The following FOCAD variants were observed in gnomAD, a reference collection of about 807,000 sequenced individuals.
The protein encoded by FOCAD is focadhesin, also known as KIAA1797.
FOCAD carries 198 observed loss-of-function variants against 225.6 expected under a neutral mutation model. The ratio of observed to expected loss-of-function variants is 0.88; its 90% CI spans 0.78 to 0.99. The LOEUF is 0.99. Among genes scored for constraint, FOCAD ranks in the 50% least tolerant of loss-of-function variants. FOCAD has a pLI of 0.00. For missense variants in FOCAD, 2,713 were observed against 2,123.6 expected, an observed-to-expected ratio of 1.28 and a Z score of -5.46; for synonymous variants, 897 against 755.0, an observed-to-expected ratio of 1.19 and a Z score of -3.08.
At chr9:20,868,997 G>T (rs528752971) in intron 18 of FOCAD, among the ~76,000 whole-genome samples, 12 of 152,268 alleles carry the variant, frequency 7.9e-5, no homozygotes, top group African/African-American at 1.4e-4. Context: ...TGTTCAATGT[G>T]TTCATATCCC....
intron 15 of FOCAD, among the ~76,000 whole-genome samples, chr9:20,832,753 T>C (rs1411914921): frequency 6.6e-6 from 1 of 152,176 alleles, no homozygotes; most frequent in East Asian, 1.9e-4. Context: ...TAATGCCCTC[T>C]AGTTTCATCC....
chr9:20,671,646 C>T (rs1822067183), intron 2 of FOCAD, among the ~76,000 whole-genome samples: 1 of 151,962 alleles, frequency 6.6e-6, no homozygotes, highest in African/African-American at 2.4e-5. Flanking sequence ...AGAAAGAATG[C>T]AGAGAGAAAA....
intron 28 of FOCAD, among the ~76,000 whole-genome samples, chr9:20,939,135 G>A (rs1286813236): frequency 1.6e-5 from 1 of 61,112 alleles, no homozygotes; most frequent in Non-Finnish European, 3.6e-5. Context: ...GGGCGACAGA[G>A]CGAGACTCTC....
intron 4 of FOCAD, among the ~76,000 whole-genome samples, chr9:20,735,820 G>T (rs758422927): frequency 7.1e-6 from 1 of 140,876 alleles, no homozygotes; most frequent in Non-Finnish European, 1.5e-5. Flanking sequence ...CACTATGCCT[G>T]GCCTCTTCAA....
rs141142048 is a variant in FOCAD, at chr9:20,991,708, G to T, written c.5256+1334G>T. Among the ~76,000 whole-genome samples, 18 of 151,366 alleles carry T rather than the reference G, an allele frequency of 1.2e-4. No individual in the cohort carries two copies. In the East Asian group the frequency reaches 3.5e-3, roughly 30 times the overall value. On this transcript the variant is annotated intron_variant, in intron 42 of 43. Coordinates refer to ENST00000338382, the MANE Select transcript of FOCAD (RefSeq NM_001375567.1). ...TGTGCCTATAATCCCAGCTACTCAG[G>T]AGACTGAGGCAGGAGAATCGCTTGA...
chr9:20,964,064 T>C (rs1456326026), intron 35 of FOCAD, among the ~76,000 whole-genome samples: 3 of 152,128 alleles, frequency 2.0e-5, no homozygotes, highest in Non-Finnish European at 1.5e-5. Context: ...ATTTTTTTTT[T>C]CCTTACAATA....
intron 4 of FOCAD, among the ~76,000 whole-genome samples, chr9:20,724,335 A>G (rs1266084428): frequency 6.6e-6 from 1 of 152,184 alleles, no homozygotes; most frequent in Non-Finnish European, 1.5e-5. Context: ...CCTTAATCTT[A>G]TACATATAGG....
At chr9:20,790,136 C>T (rs944799112) in intron 11 of FOCAD, among the ~76,000 whole-genome samples, 1 of 152,136 alleles carries the variant, frequency 6.6e-6, no homozygotes, top group African/African-American at 2.4e-5. Flanking sequence ...TGAGGGTAAA[C>T]AATTTTTCTT....
At chr9:20,925,186 A>G (rs890150003) in intron 25 of FOCAD, among the ~76,000 whole-genome samples, 1 of 152,240 alleles carries the variant, frequency 6.6e-6, no homozygotes, top group African/African-American at 2.4e-5. Flanking sequence ...TGGAAATTTT[A>G]TAGAGAGGAA....
chr9:20,865,876 A>T, intron 16 of FOCAD, 50 bp from the exon 17 acceptor site: 1 of 1,341,868 alleles, frequency 7.5e-7, no homozygotes, highest in Non-Finnish European at 1.0e-6. Flanking sequence ...ATTTAGTCTC[A>T]GTTTTAGCTT....
chr9:20,790,563 A>G (rs200050566), intron 11 of FOCAD, among the ~76,000 whole-genome samples: 1 of 152,136 alleles, frequency 6.6e-6, no homozygotes, highest in African/African-American at 2.4e-5. Context: ...CTTGAGGTCA[A>G]GAGTTCGAGA....
intron 15 of FOCAD, among the ~76,000 whole-genome samples, chr9:20,846,866 G>A (rs1827166514): frequency 6.6e-6 from 1 of 152,066 alleles, no homozygotes; most frequent in Admixed American, 6.6e-5. Context: ...GCCAAATACT[G>A]TGCCAAGTCT....
chr9:20,878,820 G>A (rs764343871), intron 19 of FOCAD, among the ~76,000 whole-genome samples: 3 of 152,152 alleles, frequency 2.0e-5, no homozygotes, highest in African/African-American at 4.8e-5. Flanking sequence ...GAAGTGGGTG[G>A]TGTAACTCTC....
At chr9:20,920,543 GC>G (rs1834314570) in intron 24 of FOCAD, among the ~76,000 whole-genome samples, 1 of 124,552 alleles carries the variant, frequency 8.0e-6, no homozygotes, top group Non-Finnish European at 1.7e-5. Flanking sequence ...ATTCACAATA[GC>G]AAAGACTTGG....
chr9:20,897,471 C>G (rs1369971035), intron 21 of FOCAD, among the ~76,000 whole-genome samples: 1 of 147,714 alleles, frequency 6.8e-6, no homozygotes, highest in Non-Finnish European at 1.5e-5. Flanking sequence ...CTTTTTTTGT[C>G]CTTACGGTTT....
Position 20,885,209 on chromosome 9 carries a change from T to G in FOCAD, c.2604T>G (p.Thr868=), listed in dbSNP as rs1329944265. 6.5e-7 allele frequency: 1 copy of G among 1,531,484 alleles called. No homozygotes were observed. Among genetic ancestry groups the G allele is most frequent in the Non-Finnish European group, 8.8e-7 (1 of 1,136,848 alleles). The allele number at this position is 1,531,484 out of a possible 1,614,324, so 94.9% of individuals were successfully genotyped here. Residue 868 remains threonine (T), a synonymous_variant, in exon 21 of 44, where the codon ACT becomes ACG. Transcript: ENST00000338382. ...GCAGAGGGCGAAGTTTCAAGCAGAC[T>G]TCACTTGCTCTTGTACATGAGGTAG... The part of the protein sequence containing the change: ...MASRGRSFKQ[T]SLALVHEVHI...
At chr9:20,686,302 G>C (rs562520357) in intron 1 of FOCAD, among the ~76,000 whole-genome samples, 1 of 152,176 alleles carries the variant, frequency 6.6e-6, no homozygotes, top group Non-Finnish European at 1.5e-5. Flanking sequence ...GATTACAGGC[G>C]CATGCCACCA....
chr9:20,687,664 T>G (rs1822745802), intron 1 of FOCAD, among the ~76,000 whole-genome samples: 1 of 152,248 alleles, frequency 6.6e-6, no homozygotes, highest in South Asian at 2.1e-4. Flanking sequence ...AATGTGATTT[T>G]TAAAGACTCA....
intron 1 of FOCAD, among the ~76,000 whole-genome samples, chr9:20,709,679 G>T (rs539775945): frequency 4.1e-4 from 62 of 152,266 alleles, no homozygotes; most frequent in Middle Eastern, 3.4e-3. Flanking sequence ...AAAGACACTT[G>T]CAATTTGTAG....
Sources: allele counts gnomAD v4.1 joint callset (sites outside exome capture counted in the v4.1 genomes callset), GRCh38; gene constraint gnomAD v4.1.1; transcripts MANE v1.5; gene names NCBI Gene and HGNC (gene_info 2026-07-23, HGNC 2026-07-21).